Variants in TOX2 observed in about 807,000 individuals in gnomAD.
The protein encoded by TOX2 is granulosa cell HMG box 1.
Under a neutral mutation model 47.4 loss-of-function variants are expected in TOX2, and 15 were observed. The ratio of observed to expected loss-of-function variants is 0.32; its 90% CI spans 0.21 to 0.49. The LOEUF is 0.49. Among genes scored for constraint, TOX2 ranks in the 20% least tolerant of loss-of-function variants. TOX2 has a pLI of 0.99. For missense variants in TOX2, 622 were observed against 673.1 expected, an observed-to-expected ratio of 0.92 and a Z score of 0.84; for synonymous variants, 290 against 296.6, an observed-to-expected ratio of 0.98 and a Z score of 0.23.
intron 5 of TOX2, among the ~76,000 whole-genome samples, chr20:44,055,703 G>A (rs1390000334): frequency 6.6e-6 from 1 of 152,146 alleles, no homozygotes; most frequent in Admixed American, 6.5e-5. Flanking sequence ...GATCCAGGTG[G>A]GGGAAGGTAG....
chr20:43,987,365 G>T (rs79465216), intron 2 of TOX2, among the ~76,000 whole-genome samples: 2 of 152,186 alleles, frequency 1.3e-5, no homozygotes, highest in Non-Finnish European at 2.9e-5. Flanking sequence ...ACCCTAGAGG[G>T]GGGTGGGGAG....
At chr20:43,930,146 T>C (rs1600656063) in intron 1 of TOX2, among the ~76,000 whole-genome samples, 1 of 152,204 alleles carries the variant, frequency 6.6e-6, no homozygotes, top group East Asian at 1.9e-4. Context: ...GTCTGACCTA[T>C]AGTAGGTGCT....
intron 3 of TOX2, among the ~76,000 whole-genome samples, chr20:44,020,867 G>C (rs6103566): frequency 0.7 from 106,919 of 152,002 alleles, 37,812 homozygotes; most frequent in Middle Eastern, 0.76. Flanking sequence ...TCATCACACT[G>C]AGGATGGTTG....
chr20:43,986,752 A>G (rs1474907289), intron 2 of TOX2, among the ~76,000 whole-genome samples: 1 of 152,174 alleles, frequency 6.6e-6, no homozygotes, highest in Non-Finnish European at 1.5e-5. Context: ...ATGACTCAGT[A>G]ATTCAACTCC....
At position 43,933,035 on chromosome 20, in the gene TOX2, C is replaced by T. The variant is rs534952892; in HGVS notation, c.99+18045C>T. On this transcript the variant is annotated intron_variant, in intron 1 of 8. Transcript: ENST00000341197. ...CAGACCCTGGGGCACCAAAGAGAAA[C>T]AGAATTCTAGTGACCAAGTAAGTTC... Among the ~76,000 whole-genome samples the T allele has an allele frequency of 5.9e-5, 9 of 152,318 alleles. No individual in the cohort carries two copies. The East Asian group carries it at 1.7e-3, about 29-fold the overall frequency.
intron 1 of TOX2, among the ~76,000 whole-genome samples, chr20:43,965,161 C>T (rs2069827953): frequency 6.6e-6 from 1 of 152,082 alleles, no homozygotes; most frequent in South Asian, 2.1e-4. Flanking sequence ...ACTTTCAGAG[C>T]AGGAGGTTCT....
intron 1 of TOX2, among the ~76,000 whole-genome samples, chr20:43,950,095 A>G (rs1172788438): frequency 6.6e-6 from 1 of 152,078 alleles, no homozygotes; most frequent in African/African-American, 2.4e-5. Flanking sequence ...CCTCTTTCCC[A>G]CTTGCTGGAT....
At chr20:43,973,562 T>A (rs781546786) in intron 2 of TOX2, 130 bp downstream of exon 2, 6 of 739,644 alleles carry the variant, frequency 8.1e-6, no homozygotes, top group Non-Finnish European at 1.4e-5. Flanking sequence ...CTCTGAATGA[T>A]CAAGAATAGC....
At position 43,914,955 on chromosome 20, in the gene TOX2, G is replaced by A. The variant is rs181994793; in HGVS notation, c.64G>A (p.Gly22Ser). ...VGARPGAEPA[G>S]LAHLDYYHGG... is the part of the protein sequence containing the mutation. ...CGCGCGGCCCGGGGCCGAGCCGGCC[G>A]GCCTGGCGCACCTGGACTATTACCA... The change falls in exon 1 of 9, where the codon GGC becomes AGC. Residue 22 changes from glycine to serine, a missense_variant. This residue lies in a region of TOX2 where 307 missense variants were observed against 327.3 expected (regional missense o/e 0.94). Transcript: ENST00000341197. The surrounding 1 kb of genome is among the most constrained non-coding windows in gnomAD (Gnocchi z 4.5). The A allele has an allele frequency of 8.8e-4, 1,105 of 1,254,928 alleles. 8 individuals are homozygous for A. The African/African-American group carries it at 0.016, about 18-fold the overall frequency. 77.7% of individuals were successfully genotyped at this position (1,254,928 alleles called of 1,614,324 possible).
chr20:44,066,802 AG>A lies in TOX2; in HGVS notation c.1430del (p.Ser477ThrfsTer114). On this transcript the variant is annotated frameshift_variant, in exon 8 of 9. Coordinates refer to ENST00000341197, the MANE Select transcript of TOX2 (RefSeq NM_001098797.2). LOFTEE classifies it high-confidence loss of function. ...CSPGPSNPTS[S>X]GDWDSSYPSG... ...ACCTGGCCCATCCAACCCCACCAGC[AG>A]CGGGGACTGGGACAGCAGCTACCCC... 6.2e-7 allele frequency: 1 copy of A among 1,614,156 alleles called. No homozygotes were observed. Among genetic ancestry groups the A allele is most frequent in the Non-Finnish European group, 8.5e-7 (1 of 1,180,016 alleles).
intron 1 of TOX2, among the ~76,000 whole-genome samples, chr20:43,956,559 TAAAAAAAA>T (rs11474983): frequency 8.3e-6 from 1 of 120,474 alleles, no homozygotes; most frequent in Non-Finnish European, 1.7e-5. Flanking sequence ...GTTCTATCTT[TAAAAAAAA>T]AAAAAAAAAA....
At chr20:43,998,749 A>G (rs1218547267) in intron 2 of TOX2, among the ~76,000 whole-genome samples, 1 of 151,596 alleles carries the variant, frequency 6.6e-6, no homozygotes, top group Admixed American at 6.6e-5. Flanking sequence ...CTATCTATCT[A>G]TCTATCTATC....
intron 1 of TOX2, among the ~76,000 whole-genome samples, chr20:43,927,761 C>G (rs1351564455): frequency 8.0e-6 from 1 of 124,676 alleles, no homozygotes; most frequent in Admixed American, 8.7e-5. Context: ...CCTTCCTTCC[C>G]TCCCTCCCTC....
At chr20:44,025,003 C>T (rs2071038066) in intron 3 of TOX2, among the ~76,000 whole-genome samples, 1 of 152,130 alleles carries the variant, frequency 6.6e-6, no homozygotes, top group Admixed American at 6.5e-5. Flanking sequence ...AGGTCTTGCT[C>T]TTCCTTTTAG....
At chr20:43,967,545 C>T (rs1164504534) in intron 1 of TOX2, among the ~76,000 whole-genome samples, 1 of 152,036 alleles carries the variant, frequency 6.6e-6, no homozygotes, top group African/African-American at 2.4e-5. Flanking sequence ...TTCATCTCGT[C>T]CACCATCCCA....
intron 3 of TOX2, among the ~76,000 whole-genome samples, chr20:44,020,703 G>A (rs183619031): frequency 8.5e-5 from 13 of 152,094 alleles, no homozygotes; most frequent in African/African-American, 2.9e-4. Flanking sequence ...TGGGAGACTC[G>A]GCTGGGCCCA....
chr20:43,939,028 T>C (rs2069366735), intron 1 of TOX2, among the ~76,000 whole-genome samples: 1 of 152,210 alleles, frequency 6.6e-6, no homozygotes, highest in Non-Finnish European at 1.5e-5. Context: ...AGTCGCTGGC[T>C]TCACCTGCCT....
intron 1 of TOX2, among the ~76,000 whole-genome samples, chr20:43,959,912 G>A (rs1361331682): frequency 6.6e-6 from 1 of 152,192 alleles, no homozygotes; most frequent in Non-Finnish European, 1.5e-5. Flanking sequence ...GGGAGGTAAC[G>A]GGGCAAGACC....
chr20:43,964,553 G>C (rs1188275355), intron 1 of TOX2, among the ~76,000 whole-genome samples: 1 of 152,194 alleles, frequency 6.6e-6, no homozygotes, highest in East Asian at 1.9e-4. Context: ...CCTGTGACTG[G>C]CTAGGCTGAG....
Sources: allele counts gnomAD v4.1 joint callset (sites outside exome capture counted in the v4.1 genomes callset), GRCh38; gene constraint gnomAD v4.1.1; regional missense constraint gnomAD v4.1.1; non-coding constraint Gnocchi (gnomAD v3.1); transcripts MANE v1.5; gene names NCBI Gene and HGNC (gene_info 2026-07-23, HGNC 2026-07-21).